IL1RAP: variants seen among roughly 807,000 people sequenced by gnomAD.
The protein encoded by IL1RAP is interleukin 1 receptor accessory protein, also known as interleukin-1 receptor accessory protein.
A neutral mutation model predicts 60.7 loss-of-function variants in IL1RAP; 35 were observed. The observed-to-expected ratio is 0.58, with a 90% CI of 0.44 to 0.76. The LOEUF is 0.76. Ranked by LOEUF, IL1RAP falls within the 30% of genes least tolerant of loss-of-function variation. The probability of loss-of-function intolerance (pLI) is 0.00; values close to 1 mark genes in which losing one functional copy is unlikely to be tolerated. For synonymous variants in IL1RAP, 268 were observed against 250.9 expected (o/e 1.07, Z -0.64); for missense variants, 572 against 693.9 (o/e 0.82, Z 1.97).
intron 3 of IL1RAP, among the ~76,000 whole-genome samples, chr3:190,572,855 C>CTTCGTTT (rs1727050077): frequency 1.7e-5 from 1 of 57,594 alleles, no homozygotes; most frequent in Non-Finnish European, 3.3e-5. Context: ...AGGGTTAATG[C>CTTCGTTT]TTTGTTTTTT....
chr3:190,563,784 G>A (rs1247292157), intron 2 of IL1RAP, among the ~76,000 whole-genome samples: 3 of 152,158 alleles, frequency 2.0e-5, no homozygotes, highest in African/African-American at 7.2e-5. Flanking sequence ...AAAAGTACCT[G>A]GATTGTAAAG....
intron 3 of IL1RAP, among the ~76,000 whole-genome samples, chr3:190,575,301 G>C (rs1042200604): frequency 1.3e-5 from 2 of 152,130 alleles, no homozygotes; most frequent in African/African-American, 4.8e-5. Flanking sequence ...TGGACACTGT[G>C]CTTGCCTGTA....
chr3:190,596,156 C>T (rs1729361618), intron 3 of IL1RAP, among the ~76,000 whole-genome samples: 1 of 152,212 alleles, frequency 6.6e-6, no homozygotes. Context: ...TCTTTCTTTT[C>T]TATACCTGAG....
chr3:190,542,006 T>A (rs1172104390), intron 1 of IL1RAP, among the ~76,000 whole-genome samples: 1 of 152,156 alleles, frequency 6.6e-6, no homozygotes, highest in African/African-American at 2.4e-5. Flanking sequence ...TAATTATAAA[T>A]AACTTAAGTC....
At chr3:190,644,950 C>A (rs1246789374) in intron 10 of IL1RAP, among the ~76,000 whole-genome samples, 1 of 152,180 alleles carries the variant, frequency 6.6e-6, no homozygotes, top group Non-Finnish European at 1.5e-5. Flanking sequence ...AGATAGAGAT[C>A]TGTGAACCAG....
At chr3:190,643,358 T>C (rs892273603) in intron 9 of IL1RAP, among the ~76,000 whole-genome samples, 1 of 152,198 alleles carries the variant, frequency 6.6e-6, no homozygotes, top group African/African-American at 2.4e-5. Context: ...TAAATCTTCC[T>C]GATGTTTTTG....
intron 1 of IL1RAP, among the ~76,000 whole-genome samples, chr3:190,524,834 T>G (rs762073640): frequency 2.6e-5 from 4 of 152,138 alleles, no homozygotes; most frequent in Non-Finnish European, 5.9e-5. Flanking sequence ...CATGTAATAT[T>G]CAAATAAAAT....
At chr3:190,594,734 C>A (rs1459874208) in intron 3 of IL1RAP, among the ~76,000 whole-genome samples, 3 of 152,140 alleles carry the variant, frequency 2.0e-5, no homozygotes, top group Non-Finnish European at 2.9e-5. Context: ...GCAGTCCATG[C>A]CACAGATGCG....
At chr3:190,536,125 G>A (rs1004403546) in intron 1 of IL1RAP, among the ~76,000 whole-genome samples, 1 of 152,046 alleles carries the variant, frequency 6.6e-6, no homozygotes, top group East Asian at 1.9e-4. Context: ...TTCTTGTTGG[G>A]TGTTAGTAGC....
rs13099809 is a variant in IL1RAP, at chr3:190,651,173, A to T, written c.*2468A>T. 0.029 allele frequency: 28,316 copies of T among 974,982 alleles called. 418 individuals carry two copies. Among genetic ancestry groups the T allele is most frequent in the Non-Finnish European group, 0.031 (25,794 of 825,464 alleles). 60.4% of individuals were successfully genotyped at this position (974,982 alleles called of 1,614,324 possible). A position where few individuals can be genotyped will look rare whatever the true frequency, so the allele number is the denominator to read the frequency against. On this transcript the variant is annotated 3_prime_UTR_variant, in exon 12 of 12. Transcript: ENST00000447382. ...AACAAACCATGTCTCAAATTTTTTT[A>T]AAAAAAATTAATGGTTTTAAATATA...
chr3:190,611,717 G>A (rs528902411), intron 5 of IL1RAP, among the ~76,000 whole-genome samples: 2 of 152,244 alleles, frequency 1.3e-5, no homozygotes, highest in Non-Finnish European at 2.9e-5. Context: ...TGGTTACAAA[G>A]GCCTTTGCTT....
At chr3:190,583,173 A>T (rs922098922) in intron 3 of IL1RAP, among the ~76,000 whole-genome samples, 1 of 152,196 alleles carries the variant, frequency 6.6e-6, no homozygotes, top group Non-Finnish European at 1.5e-5. Flanking sequence ...TATTTATTTA[A>T]CTACTTAATT....
intron 9 of IL1RAP, among the ~76,000 whole-genome samples, chr3:190,636,213 A>G (rs1407239450): frequency 6.6e-6 from 1 of 152,232 alleles, no homozygotes; most frequent in Non-Finnish European, 1.5e-5. Flanking sequence ...GTAAATGTCA[A>G]CTAAGAAAAT....
chr3:190,601,626 T>C (rs1055152047), intron 3 of IL1RAP, among the ~76,000 whole-genome samples: 19 of 152,242 alleles, frequency 1.2e-4, no homozygotes, highest in African/African-American at 4.6e-4. Context: ...TTGCCAGTTA[T>C]CCACTGCTGC....
In IL1RAP at chr3:190,649,407, G is replaced by A; in HGVS notation, c.*702G>A. 1 of 985,666 alleles carries A rather than the reference G, an allele frequency of 1.0e-6. No individual in the cohort carries two copies. Among genetic ancestry groups the A allele is most frequent in the Non-Finnish European group, 1.2e-6 (1 of 829,868 alleles). The allele number at this position is 985,666 out of a possible 1,614,324, so 61.1% of individuals were successfully genotyped here. A position where few individuals can be genotyped will look rare whatever the true frequency, so the allele number is the denominator to read the frequency against. On this transcript the variant is annotated 3_prime_UTR_variant, in exon 12 of 12. Coordinates refer to ENST00000447382, the MANE Select transcript of IL1RAP (RefSeq NM_002182.4). Reference sequence around the variant, plus strand: ...TCCAGTCAATTCCTGATTATCCACAGGTCAACCCACATTTTTTCATTCCTT... The same window carrying A: ...TCCAGTCAATTCCTGATTATCCACAAGTCAACCCACATTTTTTCATTCCTT...
chr3:190,564,395 T>A (rs747226129), intron 3 of IL1RAP, 42 bp downstream of exon 3: 1 of 1,286,692 alleles, frequency 7.8e-7, no homozygotes, highest in South Asian at 1.2e-5. Context: ...ATGCAAGTCA[T>A]GCGTAGGGTA....
chr3:190,633,325 A>G (rs190769101), intron 9 of IL1RAP, among the ~76,000 whole-genome samples: 1 of 152,222 alleles, frequency 6.6e-6, no homozygotes, highest in East Asian at 1.9e-4. Context: ...GTATGCCTAA[A>G]TATTTTGTTT....
chr3:190,604,708 C>G (rs1483912227), intron 4 of IL1RAP, among the ~76,000 whole-genome samples: 1 of 152,102 alleles, frequency 6.6e-6, no homozygotes, highest in Non-Finnish European at 1.5e-5. Context: ...TCCTGCCTGC[C>G]TTTATGCCCC....
chr3:190,576,003 A>G (rs2108661015), intron 3 of IL1RAP, among the ~76,000 whole-genome samples: 1 of 152,340 alleles, frequency 6.6e-6, no homozygotes, highest in Admixed American at 6.5e-5. Context: ...ACCCAGGGTA[A>G]CATCCAGAGT....
Sources: gnomAD v4.1 joint callset for allele counts (sites outside exome capture counted in the v4.1 genomes callset) on GRCh38, gnomAD v4.1.1 for gene constraint, MANE v1.5 for transcripts, NCBI Gene and HGNC (gene_info 2026-07-23, HGNC 2026-07-21) for gene names.